STPG2: variants seen among roughly 807,000 people sequenced by gnomAD.
STPG2 encodes sperm tail PG-rich repeat containing 2.
STPG2 carries 56 observed loss-of-function variants against 54.2 expected under a neutral mutation model. The observed-to-expected ratio is 1.03, with a 90% confidence interval of 0.83 to 1.29. The LOEUF (loss-of-function observed/expected upper bound fraction) is 1.29. Ranked by LOEUF, STPG2 falls within the 50% of genes most tolerant of loss-of-function variation. The probability of loss-of-function intolerance (pLI) is 0.00; values close to 1 mark genes in which losing one functional copy is unlikely to be tolerated. For missense variants in STPG2, 596 were observed against 544.9 expected (o/e 1.09, Z -0.93); for synonymous variants, 200 against 181.8 (o/e 1.10, Z -0.81).
chr4:97,880,070 T>G (rs1041410117), intron 8 of STPG2, among the ~76,000 whole-genome samples: 2 of 151,998 alleles, frequency 1.3e-5, no homozygotes, highest in Non-Finnish European at 2.9e-5. Flanking sequence ...AGTGAACAAA[T>G]GGATAAGGAA....
chr4:97,716,122 A>G (rs934050418), intron 9 of STPG2, among the ~76,000 whole-genome samples: 1 of 152,214 alleles, frequency 6.6e-6, no homozygotes, highest in Admixed American at 6.5e-5. Context: ...AGATAAATGT[A>G]AATCAAAACC....
At chr4:97,991,012 C>T (rs984083163) in intron 5 of STPG2, among the ~76,000 whole-genome samples, 2 of 152,028 alleles carry the variant, frequency 1.3e-5, no homozygotes, top group Non-Finnish European at 2.9e-5. Context: ...GAGCACCCAT[C>T]ACCCAGGCAG....
chr4:97,937,481 G>A (rs532404472), intron 8 of STPG2, among the ~76,000 whole-genome samples: 10 of 152,114 alleles, frequency 6.6e-5, no homozygotes, highest in East Asian at 3.9e-4. Flanking sequence ...GAATTTTTGC[G>A]GTTTTTTGTT....
intron 10 of STPG2, among the ~76,000 whole-genome samples, chr4:97,635,932 C>T (rs368924549): frequency 1.8e-4 from 27 of 151,600 alleles, no homozygotes; most frequent in South Asian, 1.0e-3. Flanking sequence ...GACAGATCAA[C>T]GAGACAGAAA....
At chr4:97,824,787 A>G (rs938268131) in intron 9 of STPG2, among the ~76,000 whole-genome samples, 1 of 152,200 alleles carries the variant, frequency 6.6e-6, no homozygotes, top group African/African-American at 2.4e-5. Flanking sequence ...CCAATGCTGT[A>G]GCTCAGCAGC....
At chr4:98,055,090 G>A (rs1306395039) in intron 5 of STPG2, among the ~76,000 whole-genome samples, 1 of 152,102 alleles carries the variant, frequency 6.6e-6, no homozygotes, top group Non-Finnish European at 1.5e-5. Flanking sequence ...AAGTCTGGGA[G>A]AGGACTAGAT....
chr4:97,634,151 G>C (rs551785221), intron 10 of STPG2, among the ~76,000 whole-genome samples: 5 of 152,138 alleles, frequency 3.3e-5, no homozygotes, highest in South Asian at 4.1e-4. Flanking sequence ...ATCTGAGAAC[G>C]GGCAGACTGC....
chr4:97,699,313 G>T, intron 10 of STPG2, among the ~76,000 whole-genome samples: 1 of 152,126 alleles, frequency 6.6e-6, no homozygotes, highest in East Asian at 1.9e-4. Flanking sequence ...GGGGAAAGAG[G>T]CTGAGTGGTA....
chr4:98,035,049 T>A (rs150709218), intron 5 of STPG2, among the ~76,000 whole-genome samples: 59,945 of 151,876 alleles, frequency 0.39, 12,052 homozygotes, highest in Middle Eastern at 0.46. Flanking sequence ...CAAAGACTTC[T>A]TGATTAAAAC....
At chr4:97,827,891 T>C (rs1728311596) in intron 9 of STPG2, among the ~76,000 whole-genome samples, 1 of 152,112 alleles carries the variant, frequency 6.6e-6, no homozygotes, top group Non-Finnish European at 1.5e-5. Context: ...TGTCACTTTC[T>C]GACAGGCCCG....
At chr4:97,956,693 G>C (rs146539339) in intron 7 of STPG2, among the ~76,000 whole-genome samples, 1 of 152,106 alleles carries the variant, frequency 6.6e-6, no homozygotes, top group Non-Finnish European at 1.5e-5. Flanking sequence ...AGACCTGATG[G>C]GTGGCTGGAT....
intron 5 of STPG2, among the ~76,000 whole-genome samples, chr4:98,032,684 T>A (rs529410304): frequency 5.3e-5 from 8 of 152,230 alleles, no homozygotes; most frequent in Admixed American, 4.6e-4. Flanking sequence ...ATTGACCACA[T>A]AATTGGAAGT....
At chr4:98,128,292 G>T in intron 3 of STPG2, 136 bp downstream of exon 3, 1 of 806,458 alleles carries the variant, frequency 1.2e-6, no homozygotes, top group Non-Finnish European at 1.8e-6. Flanking sequence ...GGGTCTATTT[G>T]TTACCACAAT....
intron 7 of STPG2, among the ~76,000 whole-genome samples, chr4:97,966,458 T>C (rs1382839117): frequency 2.0e-5 from 3 of 152,200 alleles, no homozygotes; most frequent in East Asian, 3.9e-4. Context: ...CTTCACAATA[T>C]TATCCAGGAG....
chr4:98,060,236 C>T (rs1737601658), intron 5 of STPG2, among the ~76,000 whole-genome samples: 1 of 152,130 alleles, frequency 6.6e-6, no homozygotes, highest in Non-Finnish European at 1.5e-5. Context: ...GATACAAAAT[C>T]AATGTGCAAA....
intron 1 of STPG2, among the ~76,000 whole-genome samples, chr4:98,140,303 T>C (rs1014812203): frequency 6.6e-6 from 1 of 152,070 alleles, no homozygotes; most frequent in African/African-American, 2.4e-5. Context: ...TGAAGAACAT[T>C]ATAAACAACA....
At chr4:97,623,166 A>G (rs996644596) in intron 10 of STPG2, among the ~76,000 whole-genome samples, 5 of 152,178 alleles carry the variant, frequency 3.3e-5, no homozygotes, top group African/African-American at 1.2e-4. Context: ...AAAACTCTGG[A>G]AAATAACCTA....
intron 10 of STPG2, among the ~76,000 whole-genome samples, chr4:97,699,237 T>C (rs1297471471): frequency 6.6e-6 from 1 of 152,196 alleles, no homozygotes; most frequent in South Asian, 2.1e-4. Context: ...AGCCCATGCA[T>C]AACCTCCATC....
At chr4:97,778,272 T>C (rs765774751) in intron 9 of STPG2, among the ~76,000 whole-genome samples, 16 of 151,646 alleles carry the variant, frequency 1.1e-4, no homozygotes, top group Non-Finnish European at 2.1e-4. Context: ...TTATATCCCA[T>C]GCCTGGCTCG....
Sources: allele counts gnomAD v4.1 joint callset (sites outside exome capture counted in the v4.1 genomes callset), GRCh38; gene constraint gnomAD v4.1.1; transcripts MANE v1.5; gene names NCBI Gene and HGNC (gene_info 2026-07-23, HGNC 2026-07-21).